Variants in PDE4B observed in about 807,000 individuals in gnomAD.
PDE4B encodes the protein 3',5'-cyclic-AMP phosphodiesterase 4B.
Under a neutral mutation model 82.2 loss-of-function variants are expected in PDE4B, and 20 were observed. The observed-to-expected ratio is 0.24, with a 90% CI of 0.17 to 0.35. PDE4B has a LOEUF of 0.35. Ranked by LOEUF, PDE4B falls within the 10% of genes least tolerant of loss-of-function variation. The pLI, the probability that PDE4B is intolerant of heterozygous loss-of-function variation, is 1.00. For synonymous variants in PDE4B, 320 were observed against 318.9 expected, an observed-to-expected ratio of 1.00 and a Z score of -0.04; for missense variants, 655 against 907.2, an observed-to-expected ratio of 0.72 and a Z score of 3.57.
intron 7 of PDE4B, among the ~76,000 whole-genome samples, chr1:66,296,049 G>A (rs1038891074): frequency 1.3e-5 from 2 of 152,026 alleles, no homozygotes; most frequent in Non-Finnish European, 2.9e-5. Flanking sequence ...ATGCCCGCTG[G>A]TTTAGACCCA....
intron 3 of PDE4B, among the ~76,000 whole-genome samples, chr1:66,125,990 G>A (rs1215134063): frequency 6.6e-6 from 1 of 152,118 alleles, no homozygotes; most frequent in African/African-American, 2.4e-5. Flanking sequence ...ATTTTTAGTG[G>A]AGATGGGGTT....
chr1:65,838,485 G>A (rs968340361), intron 1 of PDE4B, among the ~76,000 whole-genome samples: 4 of 145,918 alleles, frequency 2.7e-5, no homozygotes, highest in Admixed American at 1.4e-4. Context: ...ATATATATAC[G>A]TATATGTATA....
At chr1:65,836,607 C>T (rs928394442) in intron 1 of PDE4B, among the ~76,000 whole-genome samples, 48 of 152,162 alleles carry the variant, frequency 3.2e-4, no homozygotes, top group Non-Finnish European at 1.2e-4. Context: ...TTGTACTATT[C>T]TCTGACAGCT....
At chr1:66,211,904 A>G (rs1044720385) in intron 3 of PDE4B, among the ~76,000 whole-genome samples, 2 of 152,176 alleles carry the variant, frequency 1.3e-5, no homozygotes, top group African/African-American at 4.8e-5. Context: ...TGAAACCCAA[A>G]CCTTTATACT....
intron 10 of PDE4B, 144 bp from the exon 11 acceptor site, chr1:66,363,024 C>G (rs1662923601): frequency 3.4e-6 from 2 of 581,692 alleles, no homozygotes; most frequent in Admixed American, 3.0e-5. Flanking sequence ...GGTCATTTAA[C>G]TTTCAGATTT....
chr1:66,189,229 T>C (rs1247494869), intron 3 of PDE4B, among the ~76,000 whole-genome samples: 1 of 152,082 alleles, frequency 6.6e-6, no homozygotes, highest in Non-Finnish European at 1.5e-5. Flanking sequence ...TTTCCCTTTG[T>C]GGGTAACCTG....
chr1:65,872,902 C>G (rs1646590866), intron 1 of PDE4B, among the ~76,000 whole-genome samples: 2 of 152,066 alleles, frequency 1.3e-5, no homozygotes, highest in Admixed American at 6.6e-5. Context: ...GATAAAACGA[C>G]TGAGGATTTT....
intron 7 of PDE4B, among the ~76,000 whole-genome samples, chr1:66,309,369 G>A (rs1414110049): frequency 6.6e-6 from 1 of 152,204 alleles, no homozygotes; most frequent in East Asian, 1.9e-4. Context: ...CCTCCCTTGA[G>A]ACTCAGTTTC....
At chr1:65,888,141 G>A (rs1646813191) in intron 1 of PDE4B, among the ~76,000 whole-genome samples, 1 of 151,974 alleles carries the variant, frequency 6.6e-6, no homozygotes, top group South Asian at 2.1e-4. Context: ...TGAGAGTTAG[G>A]GGTCTAGTTT....
chr1:66,092,990 A>G (rs1056297991), intron 3 of PDE4B, among the ~76,000 whole-genome samples: 3 of 152,146 alleles, frequency 2.0e-5, no homozygotes, highest in African/African-American at 4.8e-5. Context: ...CATAGTTACA[A>G]TTTAACCTTT....
intron 7 of PDE4B, among the ~76,000 whole-genome samples, chr1:66,311,602 C>T (rs1255083146): frequency 1.3e-5 from 2 of 152,254 alleles, no homozygotes; most frequent in African/African-American, 2.4e-5. Context: ...AGCCTTTGAC[C>T]TCCACTGACC....
intron 3 of PDE4B, among the ~76,000 whole-genome samples, chr1:66,121,429 G>A (rs1229367163): frequency 6.6e-6 from 1 of 152,158 alleles, no homozygotes; most frequent in East Asian, 1.9e-4. Context: ...ATGAGCCAGA[G>A]GGGATAATTT....
At chr1:66,243,422 G>C (rs995302038) in intron 3 of PDE4B, among the ~76,000 whole-genome samples, 2 of 152,334 alleles carry the variant, frequency 1.3e-5, no homozygotes, top group Non-Finnish European at 2.9e-5. Context: ...TAGTAATACT[G>C]AGTCCCTTCT....
At chr1:66,306,188 G>T (rs538161328) in intron 7 of PDE4B, among the ~76,000 whole-genome samples, 2 of 152,284 alleles carry the variant, frequency 1.3e-5, no homozygotes, top group South Asian at 2.1e-4. Context: ...AGCATGAGAT[G>T]TTAGACCTGG....
At chr1:66,106,282 T>A (rs1054620789) in intron 3 of PDE4B, among the ~76,000 whole-genome samples, 10 of 151,262 alleles carry the variant, frequency 6.6e-5, no homozygotes, top group Non-Finnish European at 1.3e-4. Context: ...ATCCCAGGGA[T>A]GAAGCCCACT....
intron 3 of PDE4B, among the ~76,000 whole-genome samples, chr1:66,147,276 T>C (rs538010821): frequency 6.6e-6 from 1 of 152,348 alleles, no homozygotes; most frequent in East Asian, 1.9e-4. Context: ...AAGTTAATTC[T>C]TAATAAATAT....
intron 5 of PDE4B, 54 bp downstream of exon 5, chr1:66,257,737 G>C: frequency 6.2e-7 from 1 of 1,607,396 alleles, no homozygotes; most frequent in East Asian, 2.2e-5. Flanking sequence ...TTCTAAGTCT[G>C]AACCTGGCCA....
At chr1:65,920,959 CTTTTTTTTTTTTTTTT>C (rs71058435) in intron 3 of PDE4B, among the ~76,000 whole-genome samples, 2 of 68,150 alleles carry the variant, frequency 2.9e-5, no homozygotes, top group Non-Finnish European at 5.7e-5. Flanking sequence ...AAAAGCATTT[CTTTTTTTTTTTTTTTT>C]TTTTTTTTTT....
At chr1:66,161,075 T>A (rs942725924) in intron 3 of PDE4B, among the ~76,000 whole-genome samples, 8 of 152,114 alleles carry the variant, frequency 5.3e-5, no homozygotes, top group Non-Finnish European at 8.8e-5. Context: ...CCTTGAAAAT[T>A]GTAGCATACA....
Sources: allele counts gnomAD v4.1 joint callset (sites outside exome capture counted in the v4.1 genomes callset), GRCh38; gene constraint gnomAD v4.1.1; transcripts MANE v1.5; gene names NCBI Gene and HGNC (gene_info 2026-07-23, HGNC 2026-07-21).